MRTFB: variants seen among roughly 807,000 people sequenced by gnomAD.
MRTFB encodes the protein myocardin-related transcription factor B.
Under a neutral mutation model 104.2 loss-of-function variants are expected in MRTFB, and 29 were observed. That is an observed-to-expected ratio of 0.28 (90% CI 0.21 to 0.38). MRTFB has a LOEUF of 0.38. Ranked by LOEUF, MRTFB falls within the 10% of genes least tolerant of loss-of-function variation. The pLI is 1.00. For synonymous variants in MRTFB, 535 were observed against 519.5 expected (o/e 1.03, Z -0.41); for missense variants, 1,270 against 1,341.6 (o/e 0.95, Z 0.83).
In MRTFB at chr16:14,187,104, G is replaced by T. The variant is rs1389487480; in HGVS notation, c.155-23139G>T. 6 of 1,302,854 alleles carry T rather than the reference G, an allele frequency of 4.6e-6. No homozygotes were observed. The East Asian group carries it at 9.8e-5, about 21-fold the overall frequency. 80.7% of individuals were successfully genotyped at this position (1,302,854 alleles called of 1,614,324 possible). On this transcript the variant is annotated intron_variant, in intron 3 of 16. Transcript: ENST00000571589. ...TCTGGTCAGCCAGCTGAGCGTGTCT[G>T]TCTGTTACCATGCTATGTGTCTGCT...
At chr16:14,029,530 C>CAT in the MRTFB span, among the ~76,000 whole-genome samples, 2,098 of 145,696 alleles carry the variant, frequency 0.014, 36 homozygotes, top group Non-Finnish European at 0.021. Context: ...CACACACACA[C>CAT]ATATATATAT....
At chr16:14,000,302 G>C in the MRTFB span, among the ~76,000 whole-genome samples, 1 of 152,172 alleles carries the variant, frequency 6.6e-6, no homozygotes, top group Admixed American at 6.5e-5. Context: ...GGAGGAGGAC[G>C]CATAGGTCAT....
At chr16:14,062,143 A>G in the MRTFB span, among the ~76,000 whole-genome samples, 30 of 152,216 alleles carry the variant, frequency 2.0e-4, no homozygotes, top group African/African-American at 7.2e-4. Flanking sequence ...CCCAGGCTGG[A>G]GTGCAGTGGC....
chr16:14,078,324 T>C (rs967183522), intron 1 of MRTFB, among the ~76,000 whole-genome samples: 1 of 152,220 alleles, frequency 6.6e-6, no homozygotes, highest in African/African-American at 2.4e-5. Flanking sequence ...GAATGAATAA[T>C]TGACTTTGAT....
intron 13 of MRTFB, 63 bp downstream of exon 13, chr16:14,249,144 C>T: frequency 6.4e-7 from 1 of 1,559,094 alleles, no homozygotes; most frequent in Non-Finnish European, 8.7e-7. Flanking sequence ...ATCATCCATT[C>T]AACAAGCATC....
chr16:14,258,161 G>A lies in MRTFB; in HGVS notation c.2764G>A (p.Glu922Lys), dbSNP rs780351576. The A allele has an allele frequency of 6.2e-7, 1 of 1,613,436 alleles. No homozygotes were observed. The highest frequency in any genetic ancestry group is 1.1e-5 in the South Asian group (1 of 91,012). ...DLFDILIKSG[E>K]ISLPIKEEPS... ...CTTTGATATCCTCATTAAGAGTGGA[G>A]GTAAGTCAAAAGTCACATCAGATCC... Residue 922 changes from glutamate (E) to lysine (K), a missense_variant and splice_region_variant, in exon 16 of 17, where the codon GAG becomes AAG. Around this residue, in one of 3 missense-constraint regions of MRTFB, gnomAD observed 1,144 missense variants for 1,131.5 expected, o/e 1.01. Transcript: ENST00000571589.
rs572711890 is a variant in MRTFB at position 14,266,147 on chromosome 16, T to C, written c.*4703T>C. 5 of 152,316 alleles carry C rather than the reference T, an allele frequency of 3.3e-5. No homozygotes were observed. The highest frequency in any genetic ancestry group is 1.2e-4 in the African/African-American group (5 of 41,592). The allele number at this position is 152,316 out of a possible 1,614,324, so 9.4% of individuals were successfully genotyped here. On this transcript the variant is annotated 3_prime_UTR_variant, in exon 17 of 17. Coordinates refer to ENST00000571589, the MANE Select transcript of MRTFB (RefSeq NM_001308142.2). ...CTTTTTATTTAAAATTTGAGACTAA[T>C]GAGATCTCAAAAATCAGCCCCAAAA...
intron 3 of MRTFB, among the ~76,000 whole-genome samples, chr16:14,201,162 A>G (rs2040684165): frequency 6.6e-6 from 1 of 152,210 alleles, no homozygotes; most frequent in Non-Finnish European, 1.5e-5. Context: ...AGTTGGGGCG[A>G]GAAAGTATAT....
intron 3 of MRTFB, among the ~76,000 whole-genome samples, chr16:14,197,864 G>A (rs2040508943): frequency 6.6e-6 from 1 of 152,124 alleles, no homozygotes; most frequent in Non-Finnish European, 1.5e-5. Context: ...GGGGTGGGTA[G>A]GAAATAAGAA....
At chr16:14,173,981 A>G (rs953498526) in intron 3 of MRTFB, among the ~76,000 whole-genome samples, 5 of 152,036 alleles carry the variant, frequency 3.3e-5, no homozygotes, top group African/African-American at 9.7e-5. Context: ...AAGGTACACA[A>G]TCCTTTTTAG....
the MRTFB span, among the ~76,000 whole-genome samples, chr16:14,020,649 A>C: frequency 5.1e-4 from 77 of 152,316 alleles, no homozygotes; most frequent in Non-Finnish European, 8.8e-4. Context: ...CACAAGGAAC[A>C]TCAGATGTAA....
intron 2 of MRTFB, among the ~76,000 whole-genome samples, chr16:14,128,170 G>C (rs1391080466): frequency 6.6e-6 from 1 of 151,932 alleles, no homozygotes; most frequent in Non-Finnish European, 1.5e-5. Context: ...GGTAGTCTAA[G>C]GCATGGGGAA....
intron 16 of MRTFB, among the ~76,000 whole-genome samples, chr16:14,260,195 A>G (rs535357113): frequency 6.6e-6 from 1 of 152,338 alleles, no homozygotes; most frequent in African/African-American, 2.4e-5. Context: ...CAAAAAGTGA[A>G]AGAGATAACC....
chr16:14,042,187 G>A, the MRTFB span, among the ~76,000 whole-genome samples: 12 of 152,048 alleles, frequency 7.9e-5, no homozygotes, highest in African/African-American at 2.4e-4. Context: ...GTGCAATGGC[G>A]TGATCTCAGC....
chr16:14,050,968 C>T, the MRTFB span, among the ~76,000 whole-genome samples: 4 of 152,136 alleles, frequency 2.6e-5, no homozygotes, highest in Non-Finnish European at 2.9e-5. Context: ...CCTCCTGTCT[C>T]GGCCGACTTA....
intron 2 of MRTFB, among the ~76,000 whole-genome samples, chr16:14,087,210 G>C (rs1483953341): frequency 6.6e-6 from 1 of 152,156 alleles, no homozygotes; most frequent in Admixed American, 6.6e-5. Flanking sequence ...TCATCTCAAA[G>C]TCTTAAGAGT....
the MRTFB span, among the ~76,000 whole-genome samples, chr16:14,006,708 C>CT: frequency 8.5e-3 from 1,254 of 147,046 alleles, 17 homozygotes; most frequent in African/African-American, 0.028. Context: ...CCATATGCAA[C>CT]TTTTTTTTTT....
chr16:14,246,413 G>A (rs890425938), intron 11 of MRTFB, 60 bp from the exon 12 acceptor site: 56 of 1,545,604 alleles, frequency 3.6e-5, no homozygotes, highest in South Asian at 8.4e-5. Flanking sequence ...TCACAAAAGC[G>A]TACTGTAGAT....
intron 2 of MRTFB, among the ~76,000 whole-genome samples, chr16:14,124,930 G>C (rs749916553): frequency 6.6e-6 from 1 of 152,074 alleles, no homozygotes; most frequent in Non-Finnish European, 1.5e-5. Flanking sequence ...AGTATTTCCT[G>C]TTATATGTTT....
Sources: gnomAD v4.1 joint callset for allele counts (sites outside exome capture counted in the v4.1 genomes callset) on GRCh38, gnomAD v4.1.1 for gene constraint, gnomAD v4.1.1 regional missense constraint, MANE v1.5 for transcripts, NCBI Gene and HGNC (gene_info 2026-07-23, HGNC 2026-07-21) for gene names.